ACACB: variants seen among roughly 807,000 people sequenced by gnomAD.
The protein encoded by ACACB is acetyl-CoA carboxylase 2.
In ACACB, 209 loss-of-function variants were observed where a neutral mutation model predicts 278.8. The observed-to-expected ratio is 0.75, with a 90% CI of 0.67 to 0.84. The LOEUF (loss-of-function observed/expected upper bound fraction) is 0.84, where lower values mean the gene tolerates loss of function less well. Among genes scored for constraint, ACACB ranks in the 40% least tolerant of loss-of-function variants. The probability of loss-of-function intolerance (pLI) is 0.00; values close to 1 mark genes in which losing one functional copy is unlikely to be tolerated. For synonymous variants in ACACB, 1,174 were observed against 1,285.6 expected (o/e 0.91, Z 1.86); for missense variants, 2,850 against 3,269.0 (o/e 0.87, Z 3.13).
chr12:109,199,806 G>T (rs1416679567), intron 18 of ACACB, among the ~76,000 whole-genome samples: 5 of 152,134 alleles, frequency 3.3e-5, no homozygotes, highest in Non-Finnish European at 7.3e-5. Context: ...GAGGTCAGGA[G>T]ATCAAGACCA....
chr12:109,153,056 G>A (rs867134186), intron 2 of ACACB, among the ~76,000 whole-genome samples: 3 of 152,034 alleles, frequency 2.0e-5, no homozygotes, highest in Admixed American at 6.6e-5. Context: ...GCCTGATCTC[G>A]GCTCACTTAA....
In ACACB at chr12:109,246,378, G is replaced by A. The variant is rs369007554; in HGVS notation, c.5501G>A (p.Arg1834His). The A allele has an allele frequency of 2.0e-5, 32 of 1,613,422 alleles. 1 individual carries two copies. The highest frequency in any genetic ancestry group is 7.7e-5 in the South Asian group (7 of 91,034). Reference protein sequence around the residue: ...KIYVAANSGARIGMAEEIKHM... With the variant: ...KIYVAANSGAHIGMAEEIKHM... ...TACGTGGCAGCCAACAGTGGCGCCCGTATTGGCATGGCAGAGGAGATCAAA... is the reference window on the plus strand; with the variant it reads ...TACGTGGCAGCCAACAGTGGCGCCCATATTGGCATGGCAGAGGAGATCAAA... Residue 1834 changes from arginine to histidine, a missense_variant, in exon 39 of 53, where the codon CGT (arginine) becomes CAT (histidine). By Grantham distance (29) the Arg-to-His change is conservative. Transcript: ENST00000338432.
Position 109,252,072 on chromosome 12 carries a change from G to T in ACACB, c.5817G>T (p.Gly1939=). 6.2e-7 allele frequency: 1 copy of T among 1,613,424 alleles called. No homozygotes were observed. The highest frequency in any genetic ancestry group is 8.5e-7 in the Non-Finnish European group (1 of 1,179,768). The change falls in exon 42 of 53, where the codon GGG becomes GGT. Residue 1939 remains glycine (G), a synonymous_variant. Transcript: ENST00000338432. ...TGACCTGCCGAGCCATTGGGATTGG[G>T]GCCTACTTGGTGAGGCTGGGCCAGC... is the stretch of plus-strand genomic sequence containing the variant. ...SLVTCRAIGI[G]AYLVRLGQRV... is the part of the protein sequence containing the mutation.
rs1381732527 is a variant in ACACB at position 109,246,415 on chromosome 12, C to T, written c.5538C>T (p.His1846=). 7.4e-6 allele frequency: 12 copies of T among 1,613,614 alleles called. No homozygotes were observed. The highest frequency in any genetic ancestry group is 2.7e-5 in the African/African-American group (2 of 74,924). The change falls in exon 39 of 53, where the codon CAC becomes CAT. Residue 1846 remains histidine, a synonymous_variant. Transcript: ENST00000338432. ...CAGAGGAGATCAAACACATGTTCCA[C>T]GTGGCTTGGGTGGACCCAGAAGACC... ...GMAEEIKHMF[H]VAWVDPEDPH...
At chr12:109,224,284 ATTAAATACCT>A (rs971405662) in intron 27 of ACACB, among the ~76,000 whole-genome samples, 3 of 151,958 alleles carry the variant, frequency 2.0e-5, no homozygotes, top group Non-Finnish European at 1.5e-5. Context: ...ACTCACGTGC[ATTAAATACCT>A]TTGAAAGACT....
Position 109,191,716 on chromosome 12 carries a change from G to T in ACACB, c.2248G>T (p.Asp750Tyr). ...LLETESFQNN[D>Y]IDTGWLDYLI... is the part of the protein sequence containing the mutation. ...GGAGACCGAGAGCTTCCAGAACAAC[G>T]ACATCGACACCGGGTGGTTGGACTA... Residue 750 changes from aspartate to tyrosine, a missense_variant, in exon 14 of 53, where the codon GAC becomes TAC. Transcript: ENST00000338432. 6.2e-7 allele frequency: 1 copy of T among 1,614,178 alleles called. No individual in the cohort carries two copies. Among genetic ancestry groups the T allele is most frequent in the East Asian group, 2.2e-5 (1 of 44,878 alleles).
intron 45 of ACACB, among the ~76,000 whole-genome samples, chr12:109,256,515 C>A (rs10849968): frequency 0.23 from 34,289 of 152,158 alleles, 4,382 homozygotes; most frequent in East Asian, 0.36. Context: ...TGGGTGCTCT[C>A]CCCAGAAAAC....
chr12:109,255,288 T>C (rs2136786666), intron 44 of ACACB, among the ~76,000 whole-genome samples: 1 of 152,298 alleles, frequency 6.6e-6, no homozygotes, highest in Admixed American at 6.5e-5. Flanking sequence ...AATCTAGAAT[T>C]TCACATGCTG....
intron 13 of ACACB, among the ~76,000 whole-genome samples, chr12:109,190,685 T>C (rs920086047): frequency 2.6e-5 from 4 of 151,780 alleles, no homozygotes; most frequent in Admixed American, 2.6e-4. Flanking sequence ...TGGAGTGCAA[T>C]GGTGTGATCA....
chr12:109,257,568 C>CATTATT (rs1014272011), intron 45 of ACACB, among the ~76,000 whole-genome samples: 1 of 151,632 alleles, frequency 6.6e-6, no homozygotes, highest in African/African-American at 2.4e-5. Context: ...GCTTTAGTTT[C>CATTATT]ATTATTATTA....
In ACACB at chr12:109,266,229, C is replaced by A; in HGVS notation, c.7251-7C>A. 1 of 1,612,026 alleles carries A rather than the reference C, an allele frequency of 6.2e-7. No individual in the cohort carries two copies. Among genetic ancestry groups the A allele is most frequent in the Non-Finnish European group, 8.5e-7 (1 of 1,179,104 alleles). On this transcript the variant is annotated splice_region_variant and splice_polypyrimidine_tract_variant and intron_variant, in intron 52 of 52. Transcript: ENST00000338432. ...TGATCCCAGCCCTCCTCTCACCTCC[C>A]CCACAGCCTGGTTGAAGAAAACCCC... is the stretch of plus-strand genomic sequence containing the variant.
At chr12:109,157,838 G>A (rs922897372) in intron 2 of ACACB, among the ~76,000 whole-genome samples, 3 of 152,162 alleles carry the variant, frequency 2.0e-5, no homozygotes, top group African/African-American at 7.2e-5. Context: ...AAATGATTGT[G>A]GATCAGAGTG....
intron 24 of ACACB, among the ~76,000 whole-genome samples, chr12:109,221,905 C>G (rs1478533242): frequency 2.1e-5 from 3 of 142,576 alleles, no homozygotes; most frequent in African/African-American, 5.6e-5. Flanking sequence ...GGGGGGGAGA[C>G]AGAGTCTGGC....
chr12:109,197,581 A>G (rs1350412315), intron 17 of ACACB, among the ~76,000 whole-genome samples: 2 of 152,152 alleles, frequency 1.3e-5, no homozygotes, highest in African/African-American at 4.8e-5. Flanking sequence ...CTTCCAGCCC[A>G]TTCGGGAAGA....
intron 19 of ACACB, among the ~76,000 whole-genome samples, chr12:109,202,915 C>T (rs892981805): frequency 1.3e-5 from 2 of 152,126 alleles, no homozygotes; most frequent in Non-Finnish European, 2.9e-5. Flanking sequence ...TTCTCTTGAG[C>T]AGTATTAAAT....
At chr12:109,242,673 C>T in intron 37 of ACACB, 81 bp downstream of exon 37, 1 of 1,515,456 alleles carries the variant, frequency 6.6e-7, no homozygotes, top group Non-Finnish European at 9.0e-7. Context: ...CCTTAATTCT[C>T]CTTCTAAAGA....
At chr12:109,178,513 G>C (rs1455329281) in intron 9 of ACACB, among the ~76,000 whole-genome samples, 1 of 152,190 alleles carries the variant, frequency 6.6e-6, no homozygotes, top group East Asian at 1.9e-4. Flanking sequence ...CTCTTTAACA[G>C]TGCAATATCT....
chr12:109,216,211 C>T (rs2045990854), intron 22 of ACACB, among the ~76,000 whole-genome samples: 1 of 147,484 alleles, frequency 6.8e-6, no homozygotes, highest in Non-Finnish European at 1.5e-5. Context: ...AATCCTTTCT[C>T]TCTCTCTCTT....
chr12:109,253,975 G>A (rs547987089), intron 43 of ACACB, among the ~76,000 whole-genome samples: 45 of 152,254 alleles, frequency 3.0e-4, no homozygotes, highest in African/African-American at 1.1e-3. Flanking sequence ...CCCAGCATCA[G>A]TGACACCATC....
Sources: allele counts gnomAD v4.1 joint callset (sites outside exome capture counted in the v4.1 genomes callset), GRCh38; gene constraint gnomAD v4.1.1; transcripts MANE v1.5; gene names NCBI Gene and HGNC (gene_info 2026-07-23, HGNC 2026-07-21).